The following PBX1 variants were observed in gnomAD, a reference collection of about 807,000 sequenced individuals.
The protein encoded by PBX1 is PBX homeobox 1, also known as pre-B-cell leukemia transcription factor 1.
PBX1 carries 6 observed loss-of-function variants against 53.4 expected under a neutral mutation model. The observed-to-expected ratio is 0.11, with a 90% CI of 0.06 to 0.22. PBX1 has a LOEUF of 0.22. Ranked by LOEUF, PBX1 falls within the 10% of genes least tolerant of loss-of-function variation. PBX1 has a pLI of 1.00. For synonymous variants in PBX1, 204 were observed against 212.3 expected, an observed-to-expected ratio of 0.96 and a Z score of 0.34; for missense variants, 251 against 551.4, an observed-to-expected ratio of 0.46 and a Z score of 5.46.
chr1:164,563,911 G>GT (rs1372108485), intron 2 of PBX1: 1 of 152,118 alleles, frequency 6.6e-6, no homozygotes, highest in Non-Finnish European at 1.5e-5. Context: ...TCACTCTGTT[G>GT]TTTTTCTACT....
At chr1:164,657,584 T>C (rs1660236333) in intron 2 of PBX1, among the ~76,000 whole-genome samples, 1 of 152,218 alleles carries the variant, frequency 6.6e-6, no homozygotes, top group Non-Finnish European at 1.5e-5. Context: ...AAGAGGCTAA[T>C]AACAACTTAG....
chr1:164,850,855 A>G lies in PBX1; in HGVS notation c.*4179A>G, dbSNP rs1671800412. ...GTTTTTGCTGTTTTTGATTCTGATT[A>G]TCACAGCCAAGTACTTTGTTTTATT... On this transcript the variant is annotated 3_prime_UTR_variant, in exon 9 of 9. Coordinates refer to ENST00000420696, the MANE Select transcript of PBX1 (RefSeq NM_002585.4). 4.7e-6 allele frequency: 1 copy of G among 211,394 alleles called. No individual in the cohort carries two copies. The highest frequency in any genetic ancestry group is 5.9e-5 in the Admixed American group (1 of 17,056). 13.1% of individuals were successfully genotyped at this position (211,394 alleles called of 1,614,324 possible). A position where few individuals can be genotyped will look rare whatever the true frequency, so the allele number is the denominator to read the frequency against.
intron 2 of PBX1, among the ~76,000 whole-genome samples, chr1:164,733,648 G>A (rs1434847444): frequency 2.0e-5 from 3 of 152,150 alleles, no homozygotes; most frequent in Non-Finnish European, 4.4e-5. Flanking sequence ...TTGCACATAA[G>A]TAAGGCTATC....
At chr1:164,792,316 C>T (rs896495846) in intron 2 of PBX1, among the ~76,000 whole-genome samples, 178 bp from the exon 3 acceptor site, 3 of 151,762 alleles carry the variant, frequency 2.0e-5, no homozygotes, top group Admixed American at 2.0e-4. Flanking sequence ...AAAGCAAGTC[C>T]CTCCTTCATT....
Position 164,870,218 on chromosome 1 carries a change from T to TTCCTTCCTTCCTTCCTTCC in PBX1, n.258-28969_258-28968insCCTTCCTTCCTTCCTTCCT, listed in dbSNP as rs1553255670. On this transcript the variant is annotated intron_variant and non_coding_transcript_variant, in intron 2 of 2. Transcript: ENST00000558796. ...TTTCTTTCTTTCTTTCTTTTCTTTCTTTCCTTCCTTCCTTCCTTCCTTCCT... is the reference window on the plus strand; with the variant it reads ...TTTCTTTCTTTCTTTCTTTTCTTTCTTCCTTCCTTCCTTCCTTCCTTCCTTCCTTCCTTCCTTCCTTCCT... Among the ~76,000 whole-genome samples the TTCCTTCCTTCCTTCCTTCC allele has an allele frequency of 9.4e-4, 52 of 55,182 alleles. 1 individual carries two copies. Among genetic ancestry groups the TTCCTTCCTTCCTTCCTTCC allele is most frequent in the Admixed American group, 3.6e-3 (18 of 5,048 alleles). 36.2% of individuals were successfully genotyped at this position (55,182 alleles called of 152,430 possible). A position where few individuals can be genotyped will look rare whatever the true frequency, so the allele number is the denominator to read the frequency against.
At chr1:164,755,353 T>G (rs991992913) in intron 2 of PBX1, among the ~76,000 whole-genome samples, 1 of 152,198 alleles carries the variant, frequency 6.6e-6, no homozygotes, top group Non-Finnish European at 1.5e-5. Flanking sequence ...TTCTCCATGT[T>G]GTTCAGGCTG....
intron 8 of PBX1, among the ~76,000 whole-genome samples, chr1:164,832,164 A>G (rs1670800581): frequency 6.6e-6 from 1 of 152,064 alleles, no homozygotes; most frequent in Admixed American, 6.6e-5. Flanking sequence ...CTTGACCTCT[A>G]GTCCTTAGGC....
intron 2 of PBX1, among the ~76,000 whole-genome samples, chr1:164,651,092 T>C (rs557999672): frequency 6.6e-6 from 1 of 152,304 alleles, no homozygotes; most frequent in East Asian, 1.9e-4. Flanking sequence ...AGGAGGGTGA[T>C]GAATTCGGTT....
intron 2 of PBX1, among the ~76,000 whole-genome samples, chr1:164,864,954 G>A (rs778196192): frequency 2.0e-5 from 3 of 152,204 alleles, no homozygotes; most frequent in Non-Finnish European, 2.9e-5. Context: ...TCATGTTCCC[G>A]AGGTCATCCG....
Position 164,648,588 on chromosome 1 carries a change from A to C in PBX1, c.265+85277A>C, listed in dbSNP as rs187963235. ...GGCTACATAATTTTCTCTGGGTCCCAAAACCTGTAAATAGTAGAGAAGGGG... is the reference window on the plus strand; with the variant it reads ...GGCTACATAATTTTCTCTGGGTCCCCAAACCTGTAAATAGTAGAGAAGGGG... On this transcript the variant is annotated intron_variant, in intron 2 of 8. Coordinates refer to ENST00000420696, the MANE Select transcript of PBX1 (RefSeq NM_002585.4). Among the ~76,000 whole-genome samples the C allele has an allele frequency of 7.3e-3, 1,108 of 152,324 alleles. 9 individuals carry two copies. Among genetic ancestry groups the C allele is most frequent in the Non-Finnish European group, 0.012 (790 of 68,028 alleles).
intron 2 of PBX1, among the ~76,000 whole-genome samples, chr1:164,671,017 C>T (rs1661083365): frequency 6.6e-6 from 1 of 152,176 alleles, no homozygotes; most frequent in Admixed American, 6.5e-5. Context: ...CCCCATGCAC[C>T]AGCCCAAGAC....
Position 164,847,517 on chromosome 1 carries a change from T to G in PBX1, c.*841T>G. ...CACTGAGAAAGCAATATTTAGAACC[T>G]ATTGCAAAACTGGGCCTGAGTTAGG... On this transcript the variant is annotated 3_prime_UTR_variant, in exon 9 of 9. Transcript: ENST00000420696. The G allele has an allele frequency of 3.4e-5, 36 of 1,061,828 alleles. No homozygotes were observed. Among genetic ancestry groups the G allele is most frequent in the Non-Finnish European group, 4.0e-5 (35 of 877,146 alleles). 65.8% of individuals were successfully genotyped at this position (1,061,828 alleles called of 1,614,324 possible).
chr1:164,702,097 A>G (rs1663155752), intron 2 of PBX1, among the ~76,000 whole-genome samples: 1 of 152,204 alleles, frequency 6.6e-6, no homozygotes. Context: ...TAGCTTGTAT[A>G]GTAATTCCGT....
intron 2 of PBX1, among the ~76,000 whole-genome samples, chr1:164,708,576 G>A (rs1663580423): frequency 6.6e-6 from 1 of 152,146 alleles, no homozygotes; most frequent in East Asian, 1.9e-4. Context: ...GGAAACCCCA[G>A]TATCTATTGT....
chr1:164,581,153 G>A (rs557697383), intron 2 of PBX1, among the ~76,000 whole-genome samples: 18 of 152,076 alleles, frequency 1.2e-4, no homozygotes, highest in African/African-American at 3.6e-4. Context: ...TCCATGGTGA[G>A]ACCCAAAAGT....
chr1:164,806,722 T>C (rs747416706), intron 4 of PBX1, among the ~76,000 whole-genome samples: 1 of 152,100 alleles, frequency 6.6e-6, no homozygotes, highest in Non-Finnish European at 1.5e-5. Flanking sequence ...TCAGTAGTAG[T>C]GAAAAATGAA....
intron 2 of PBX1, among the ~76,000 whole-genome samples, chr1:164,633,073 A>T (rs550216827): frequency 6.6e-6 from 1 of 152,228 alleles, no homozygotes; most frequent in South Asian, 2.1e-4. Flanking sequence ...GTCCACCATA[A>T]CATCCTCAAT....
At chr1:164,768,699 C>G (rs574099408) in intron 2 of PBX1, among the ~76,000 whole-genome samples, 46 of 152,294 alleles carry the variant, frequency 3.0e-4, no homozygotes, top group South Asian at 6.2e-4. Context: ...TGTACCCAAT[C>G]CACTCTGCCT....
chr1:164,685,352 T>C (rs1662036803), intron 2 of PBX1, among the ~76,000 whole-genome samples: 1 of 152,202 alleles, frequency 6.6e-6, no homozygotes, highest in Admixed American at 6.5e-5. Flanking sequence ...ATATGAAAAA[T>C]GTACTTTTTA....
Sources: allele counts gnomAD v4.1 joint callset (sites outside exome capture counted in the v4.1 genomes callset), GRCh38; gene constraint gnomAD v4.1.1; transcripts MANE v1.5; gene names NCBI Gene and HGNC (gene_info 2026-07-23, HGNC 2026-07-21).